DMD: variants seen among roughly 807,000 people sequenced by gnomAD.
DMD encodes the protein dystrophin, also known as mutant dystrophin.
Under a neutral mutation model 330.1 loss-of-function variants are expected in DMD, and 63 were observed. The ratio of observed to expected loss-of-function variants is 0.19; its 90% CI spans 0.16 to 0.24. The LOEUF (loss-of-function observed/expected upper bound fraction) is 0.24. DMD is among the 10% of genes least tolerant of loss of function. The pLI is 1.00. For synonymous variants in DMD, 1,223 were observed against 959.8 expected (o/e 1.27, Z -5.07); for missense variants, 3,344 against 2,684.1 (o/e 1.25, Z -5.43).
intron 2 of DMD, among the ~76,000 whole-genome samples, chrX:33,015,343 T>C (rs2093780825): frequency 9.0e-6 from 1 of 111,334 alleles, no homozygotes; most frequent in Non-Finnish European, 1.9e-5. Context: ...TAAGAAAGAA[T>C]GAGATCATGT....
chrX:33,026,570 C>A (rs1254660461), intron 1 of DMD, among the ~76,000 whole-genome samples: 1 of 110,161 alleles, frequency 9.1e-6, no homozygotes, highest in East Asian at 2.9e-4. Flanking sequence ...TACAAAATGG[C>A]AGTGCAGAGT....
chrX:33,073,297 A>G (rs2094787977), intron 1 of DMD, among the ~76,000 whole-genome samples: 1 of 111,949 alleles, frequency 8.9e-6, no homozygotes, highest in Non-Finnish European at 1.9e-5. Flanking sequence ...GTTACCATTT[A>G]AATATTGCCT....
At chrX:32,730,141 G>A (rs754713106) in intron 7 of DMD, among the ~76,000 whole-genome samples, 6 of 111,373 alleles carry the variant, frequency 5.4e-5, no homozygotes, top group South Asian at 3.8e-4. Context: ...GAGACCAACC[G>A]GGGCAATGAA....
At chrX:33,046,330 A>G (rs2094381225) in intron 1 of DMD, among the ~76,000 whole-genome samples, 1 of 111,894 alleles carries the variant, frequency 8.9e-6, no homozygotes, top group Non-Finnish European at 1.9e-5. Flanking sequence ...AGCCCACTTA[A>G]ATTTGTGTGA....
intron 13 of DMD, among the ~76,000 whole-genome samples, chrX:32,594,617 C>A (rs1427483735): frequency 1.8e-5 from 2 of 110,937 alleles, no homozygotes; most frequent in Non-Finnish European, 3.8e-5. Context: ...CTGAAGCTAC[C>A]CTAGAATTAT....
intron 44 of DMD, among the ~76,000 whole-genome samples, chrX:32,121,702 G>A (rs1414518731): frequency 7.8e-5 from 7 of 89,736 alleles, no homozygotes; most frequent in Non-Finnish European, 1.1e-4. Flanking sequence ...GTGTATCTGC[G>A]GAGAGCAGAA....
At chrX:32,921,080 C>A (rs1228079968) in intron 2 of DMD, among the ~76,000 whole-genome samples, 5 of 111,848 alleles carry the variant, frequency 4.5e-5, no homozygotes, top group Non-Finnish European at 9.4e-5. Flanking sequence ...TTCAATCTAC[C>A]TTTGTAGCCT....
At chrX:31,295,367 A>G (rs2054102036) in intron 62 of DMD, among the ~76,000 whole-genome samples, 2 of 110,346 alleles carry the variant, frequency 1.8e-5, no homozygotes, top group Admixed American at 1.9e-4. Context: ...CTTTATTGAC[A>G]TTTAGTATAC....
At chrX:31,675,576 C>A (rs1480559254) in intron 53 of DMD, among the ~76,000 whole-genome samples, 1 of 110,549 alleles carries the variant, frequency 9.0e-6, no homozygotes, top group Admixed American at 9.7e-5. Context: ...TTGGTCAGGC[C>A]GGTCTCAAAC....
At chrX:32,542,956 T>G (rs917137005) in intron 17 of DMD, among the ~76,000 whole-genome samples, 2 of 111,952 alleles carry the variant, frequency 1.8e-5, no homozygotes, top group Non-Finnish European at 3.8e-5. Flanking sequence ...TAGGATTACC[T>G]TAGTCATATA....
At chrX:31,943,652 T>C (rs995581931) in intron 45 of DMD, among the ~76,000 whole-genome samples, 1 of 111,206 alleles carries the variant, frequency 9.0e-6, no homozygotes, top group Non-Finnish European at 1.9e-5. Context: ...TTTCACCTCT[T>C]TTTTGTTACT....
intron 53 of DMD, among the ~76,000 whole-genome samples, chrX:31,677,481 C>T (rs1487621965): frequency 8.9e-6 from 1 of 111,852 alleles, no homozygotes; most frequent in Non-Finnish European, 1.9e-5. Context: ...TTCATAGTAT[C>T]CGAAACTTAT....
In DMD at chrX:32,627,732, T is replaced by A. The variant is rs370505294; in HGVS notation, c.1332-13279A>T. Among the ~76,000 whole-genome samples the A allele has an allele frequency of 6.3e-5, 7 of 111,025 alleles. No individual in the cohort carries two copies. In the South Asian group the frequency reaches 1.1e-3, roughly 18 times the overall value. On this transcript the variant is annotated intron_variant, in intron 11 of 78. Transcript: ENST00000357033. Reference sequence around the variant, plus strand: ...CATTTATGGCACTGATTATAAATATTAAAAAAATAGAAAACAGAAGTTCAT... The same window carrying A: ...CATTTATGGCACTGATTATAAATATAAAAAAAATAGAAAACAGAAGTTCAT...
chrX:31,294,367 C>G (rs1426297512), intron 62 of DMD, among the ~76,000 whole-genome samples: 3 of 112,161 alleles, frequency 2.7e-5, no homozygotes, highest in Non-Finnish European at 3.8e-5. Flanking sequence ...AAGTGCTATA[C>G]AAACACATGG....
At chrX:32,423,209 T>A (rs2148042902) in intron 29 of DMD, among the ~76,000 whole-genome samples, 1 of 108,828 alleles carries the variant, frequency 9.2e-6, no homozygotes, top group East Asian at 2.8e-4. Context: ...CCTCTTTTGT[T>A]ATTCCAACTT....
At chrX:32,928,074 TA>T (rs2089235470) in intron 2 of DMD, among the ~76,000 whole-genome samples, 1 of 111,148 alleles carries the variant, frequency 9.0e-6, no homozygotes, top group Admixed American at 9.6e-5. Context: ...TTTTCTATGA[TA>T]AAAATATTAA....
chrX:33,077,377 T>C (rs2094859814), intron 1 of DMD, among the ~76,000 whole-genome samples: 1 of 111,634 alleles, frequency 9.0e-6, no homozygotes, highest in South Asian at 3.8e-4. Flanking sequence ...TTAAGTTAGA[T>C]TGTTTTCACT....
intron 28 of DMD, among the ~76,000 whole-genome samples, chrX:32,438,764 C>G (rs1019809800): frequency 4.5e-5 from 5 of 111,673 alleles, no homozygotes; most frequent in Admixed American, 9.5e-5. Flanking sequence ...CAAGAAGAAT[C>G]CTTTTGCCCT....
chrX:32,759,852 G>GAC (rs2072009684), intron 7 of DMD, among the ~76,000 whole-genome samples: 1 of 64,661 alleles, frequency 1.5e-5, no homozygotes, highest in Admixed American at 2.0e-4. Context: ...TTGGGGGGGG[G>GAC]GGGGGGGCGG....
Sources: allele counts gnomAD v4.1 joint callset (sites outside exome capture counted in the v4.1 genomes callset), GRCh38; gene constraint gnomAD v4.1.1; transcripts MANE v1.5; gene names NCBI Gene and HGNC (gene_info 2026-07-23, HGNC 2026-07-21).